The following LRRC71 variants were observed in gnomAD, a reference collection of about 807,000 sequenced individuals.
LRRC71 encodes the protein leucine rich repeat containing 71, also known as leucine-rich repeat-containing protein 71.
A neutral mutation model predicts 66.6 loss-of-function variants in LRRC71; 54 were observed. The ratio of observed to expected loss-of-function variants is 0.81; its 90% CI spans 0.65 to 1.02. The LOEUF (loss-of-function observed/expected upper bound fraction) is 1.02, where lower values mean the gene tolerates loss of function less well. Ranked by LOEUF, LRRC71 falls within the 50% of genes least tolerant of loss-of-function variation. The pLI is 0.00. For synonymous variants in LRRC71, 323 were observed against 303.9 expected (o/e 1.06, Z -0.65); for missense variants, 724 against 718.0 (o/e 1.01, Z -0.10).
At chr1:156,931,508 G>C (rs957203891) in intron 12 of LRRC71, among the ~76,000 whole-genome samples, 3 of 152,126 alleles carry the variant, frequency 2.0e-5, no homozygotes, top group African/African-American at 7.2e-5. Context: ...CATTGCTCTA[G>C]GTGTTGGGAA....
chr1:156,938,988 T>C, the LRRC71 span: 2 of 186,276 alleles, frequency 1.1e-5, no homozygotes, highest in Non-Finnish European at 2.2e-5. Flanking sequence ...AGGCCGTCCA[T>C]GGTGTTTCCC....
At chr1:156,940,118 G>C in the LRRC71 span, 1 of 1,453,040 alleles carries the variant, frequency 6.9e-7, no homozygotes, top group Non-Finnish European at 9.3e-7. Context: ...AAGAGCCTTC[G>C]GGAAGGTGGA....
rs145905660 is a variant in LRRC71, at chr1:156,924,694, C to T, written c.491C>T (p.Pro164Leu). Residue 164 changes from proline (P) to leucine (L), a missense_variant, in exon 4 of 15, where the codon CCG becomes CTG. Transcript: ENST00000337428. ...ILGVFSKCLPPLTQLQAINLW... is the reference protein window; with the variant it reads ...ILGVFSKCLPLLTQLQAINLW... ...GGTGTCTTCTCTAAATGTCTGCCCC[C>T]GCTTACCCAGCTACAGGCCATCAAG... The T allele has an allele frequency of 2.2e-3, 3,390 of 1,551,696 alleles. 12 individuals carry two copies. The highest frequency in any genetic ancestry group is 7.8e-3 in the South Asian group (653 of 84,066).
rs534486294 is a variant in LRRC71, at chr1:156,925,068, T to C, written c.593+53T>C. ...CTGGGAAGCCTGGCTGGGCGGGTGG[T>C]CAGAGGGGAGCAGTGTGGGGATGGA... On this transcript the variant is annotated intron_variant, in intron 5 of 14. Coordinates refer to ENST00000337428, the MANE Select transcript of LRRC71 (RefSeq NM_144702.3). 9 of 1,521,532 alleles carry C rather than the reference T, an allele frequency of 5.9e-6. No homozygotes were observed. In the Admixed American group the frequency reaches 1.4e-4, roughly 23 times the overall value. The allele number at this position is 1,521,532 out of a possible 1,614,324, so 94.3% of individuals were successfully genotyped here. A position where few individuals can be genotyped will look rare whatever the true frequency, so the allele number is the denominator to read the frequency against.
In LRRC71 at chr1:156,927,963, C is replaced by T. The variant is rs780260513; in HGVS notation, c.955C>T (p.Arg319Cys). Residue 319 changes from arginine to cysteine, a missense_variant, in exon 9 of 15, where the codon CGC becomes TGC. Coordinates refer to ENST00000337428, the MANE Select transcript of LRRC71 (RefSeq NM_144702.3). ...ACACACCGAAGTGGTGGAGCGCCGA[C>T]GCCTCCTGCTGGAAAAAGGGACACA... is the stretch of plus-strand genomic sequence containing the variant. Reference protein sequence around the residue: ...LTHTEVVERRRLLLEKGTQER... With the variant: ...LTHTEVVERRCLLLEKGTQER... The T allele has an allele frequency of 1.2e-6, 2 of 1,611,068 alleles. No individual in the cohort carries two copies. Among genetic ancestry groups the T allele is most frequent in the South Asian group, 1.1e-5 (1 of 90,476 alleles).
intron 9 of LRRC71, among the ~76,000 whole-genome samples, chr1:156,928,592 A>G (rs1380669602): frequency 2.1e-4 from 19 of 90,812 alleles, no homozygotes; most frequent in East Asian, 3.4e-4. Flanking sequence ...TTTTTGGGAG[A>G]TGGAGTCTGG....
chr1:156,928,408 C>CT (rs1491124092), intron 9 of LRRC71, among the ~76,000 whole-genome samples: 61 of 34,394 alleles, frequency 1.8e-3, no homozygotes, highest in African/African-American at 4.1e-3. Context: ...CTTCTTCTTC[C>CT]TCTTATTCCT....
chr1:156,937,512 G>A (rs1655719153), downstream of LRRC71: 3 of 1,513,120 alleles, frequency 2.0e-6, no homozygotes, highest in African/African-American at 1.4e-5. Context: ...CCCACAGTAA[G>A]AGAATGAGAT....
the LRRC71 span, chr1:156,940,303 C>T: frequency 6.2e-7 from 1 of 1,613,758 alleles, no homozygotes; most frequent in Non-Finnish European, 8.5e-7. Context: ...CTGTTCTCTC[C>T]ATCCAGGGAT....
intron 5 of LRRC71, among the ~76,000 whole-genome samples, chr1:156,926,531 T>C (rs2101615726): frequency 6.6e-6 from 1 of 152,018 alleles, no homozygotes; most frequent in South Asian, 2.1e-4. Flanking sequence ...CCATGTTCTG[T>C]TCATTAGAAG....
At chr1:156,928,178 G>A (rs76771983) in intron 9 of LRRC71, among the ~76,000 whole-genome samples, 174 bp downstream of exon 9, 160 of 152,256 alleles carry the variant, frequency 1.1e-3, no homozygotes, top group African/African-American at 3.3e-3. Flanking sequence ...TGCTGGGGGG[G>A]CTCTAATTGC....
Position 156,927,903 on chromosome 1 carries a change from C to T in LRRC71, c.907-12C>T. 6.2e-7 allele frequency: 1 copy of T among 1,610,846 alleles called. No individual in the cohort carries two copies. Among genetic ancestry groups the T allele is most frequent in the Non-Finnish European group, 8.5e-7 (1 of 1,178,762 alleles). On this transcript the variant is annotated splice_polypyrimidine_tract_variant and intron_variant, in intron 8 of 14. Transcript: ENST00000337428. ...CCCAGGCGTCCGACCGCTGAGCGCC[C>T]GCCTCCTTCAGGTCCTGCGCGCCTT...
In LRRC71 at chr1:156,932,385, T is replaced by G. The variant is rs766374048; in HGVS notation, c.1442-39T>G. On this transcript the variant is annotated intron_variant, in intron 13 of 14. Transcript: ENST00000337428. ...TGGTGTGTCAGGTGCCAATGAGGCC[T>G]GTGGTGCTAAGAGGCCACCTGTCTG... 3 of 1,547,012 alleles carry G rather than the reference T, an allele frequency of 1.9e-6. No homozygotes were observed. The South Asian group carries it at 3.4e-5, about 18-fold the overall frequency.
downstream of LRRC71, chr1:156,935,908 G>C (rs1654953884): frequency 7.2e-7 from 1 of 1,390,434 alleles, no homozygotes; most frequent in Non-Finnish European, 9.8e-7. Context: ...TCCACAGGGA[G>C]GAGTGTTGGG....
rs1652983715 is a variant in LRRC71 at position 156,925,017 on chromosome 1, TC to T, written c.593+3del. ...GCCTCTCTGTTCATCCACGCTCAGG[TC>T]AGCAGACTGGGAGGCCCCCTGTGCC... is the stretch of plus-strand genomic sequence containing the variant. On this transcript the variant is annotated splice_donor_region_variant and intron_variant, in intron 5 of 14. Transcript: ENST00000337428. 1 of 1,551,622 alleles carries T rather than the reference TC, an allele frequency of 6.4e-7. No individual in the cohort carries two copies.
chr1:156,938,382 T>C, the LRRC71 span: 9 of 1,598,096 alleles, frequency 5.6e-6, no homozygotes, highest in South Asian at 8.9e-5. Context: ...CACTCCAGTC[T>C]TGGCCTGTCT....
chr1:156,927,724 G>A lies in LRRC71; in HGVS notation c.823-9G>A. The stretch of plus-strand genomic sequence containing the variant: ...TTGGGCGGCTCACGCGTCCCTGCCC[G>A]CCTCTTAGGGCCTCCGGCTGAACCG... On this transcript the variant is annotated splice_polypyrimidine_tract_variant and intron_variant, in intron 7 of 14. Coordinates refer to ENST00000337428, the MANE Select transcript of LRRC71 (RefSeq NM_144702.3). 2 of 1,607,892 alleles carry A rather than the reference G, an allele frequency of 1.2e-6. No individual in the cohort carries two copies.
chr1:156,939,849 C>T, the LRRC71 span: 5 of 1,612,034 alleles, frequency 3.1e-6, no homozygotes. Context: ...CCTGGGCAGC[C>T]TGAGTTTCCA....
At chr1:156,928,056 G>A in intron 9 of LRRC71, 52 bp downstream of exon 9, 1 of 1,511,992 alleles carries the variant, frequency 6.6e-7, no homozygotes, top group Non-Finnish European at 9.0e-7. Flanking sequence ...TGACCCTCGA[G>A]CCCACTCCCC....
Sources: allele counts gnomAD v4.1 joint callset (sites outside exome capture counted in the v4.1 genomes callset), GRCh38; gene constraint gnomAD v4.1.1; transcripts MANE v1.5; gene names NCBI Gene and HGNC (gene_info 2026-07-23, HGNC 2026-07-21).